The following DEF6 variants were observed in gnomAD, a reference collection of about 807,000 sequenced individuals.
DEF6 encodes differentially expressed in FDCP 6 homolog.
DEF6 carries 32 observed loss-of-function variants against 80.5 expected under a neutral mutation model. The observed-to-expected ratio is 0.40, with a 90% CI of 0.30 to 0.53. DEF6 has a LOEUF of 0.53. DEF6 is among the 20% of genes least tolerant of loss of function. The pLI is 0.57. For missense variants in DEF6, 575 were observed against 818.7 expected, an observed-to-expected ratio of 0.70 and a Z score of 3.63; for synonymous variants, 300 against 337.9, an observed-to-expected ratio of 0.89 and a Z score of 1.23.
chr6:35,316,327 A>G (rs1401308460), intron 5 of DEF6, among the ~76,000 whole-genome samples: 2 of 152,156 alleles, frequency 1.3e-5, no homozygotes, highest in Admixed American at 6.5e-5. Flanking sequence ...TTTTCTAAGT[A>G]GAAGACCATG....
In DEF6 at chr6:35,310,354, C is replaced by A. The variant is rs916377539; in HGVS notation, c.238-105C>A. 1.7e-5 allele frequency: 21 copies of A among 1,251,208 alleles called. No homozygotes were observed. In the African/African-American group the frequency reaches 2.2e-4, roughly 13 times the overall value. The allele number at this position is 1,251,208 out of a possible 1,614,324, so 77.5% of individuals were successfully genotyped here. ...CTTGAGTTAGGGCCCTGGACTTGGC[C>A]AGGTGGGGAGCAGGGGCATAGATGA... On this transcript the variant is annotated intron_variant, in intron 2 of 10. Coordinates refer to ENST00000316637, the MANE Select transcript of DEF6 (RefSeq NM_022047.4).
Position 35,319,919 on chromosome 6 carries a change from C to T in DEF6, c.1483C>T (p.Gln495Ter). 1 of 1,571,074 alleles carries T rather than the reference C, an allele frequency of 6.4e-7. No individual in the cohort carries two copies. The highest frequency in any genetic ancestry group is 2.3e-5 in the East Asian group (1 of 42,944). ...GGCGCAGCAGGAGAAGGAAGAGCTG[C>T]AGCAGGAGATGGCACAGCAGAGCCG... ...ERAQQEKEELQQEMAQQSRSL... is the reference protein window; with the variant it reads ...ERAQQEKEEL The change falls in exon 9 of 11, where the codon CAG becomes TAG. Residue 495 changes from glutamine to a stop codon, truncating the protein, a stop_gained. Coordinates refer to ENST00000316637, the MANE Select transcript of DEF6 (RefSeq NM_022047.4). LOFTEE classifies it high-confidence loss of function. This position sits in a 1 kb window ranked among gnomAD's most constrained non-coding sequence, Gnocchi z 4.5.
intron 9 of DEF6, among the ~76,000 whole-genome samples, chr6:35,320,472 T>C (rs1043665727): frequency 2.6e-5 from 4 of 152,192 alleles, no homozygotes; most frequent in Admixed American, 1.3e-4. Context: ...CCGTGAAATG[T>C]TGAACAGAGG....
Position 35,297,922 on chromosome 6 carries a change from G to A in DEF6, c.66G>A (p.Lys22=). 1 of 1,606,624 alleles carries A rather than the reference G, an allele frequency of 6.2e-7. No individual in the cohort carries two copies. The highest frequency in any genetic ancestry group is 8.5e-7 in the Non-Finnish European group (1 of 1,177,134). Residue 22 remains lysine (K), a synonymous_variant, in exon 1 of 11, where the codon AAG becomes AAA. Transcript: ENST00000316637. ...WYAFTALDVE[K]SGKVSKSQLK... is the part of the protein sequence containing the mutation. The stretch of plus-strand genomic sequence containing the variant: ...CCTTTACCGCGCTGGACGTGGAGAA[G>A]AGTGGCAAAGTCTCCAAGTCCCAGC...
Position 35,319,471 on chromosome 6 carries a change from C to G in DEF6, c.1216-53C>G, listed in dbSNP as rs1791561709. Reference sequence around the variant, plus strand: ...CATGCCCACCCCCTCCTCCTCCGCCCCCACGTGCCCCTTTTGACCTGGCTC... The same window carrying G: ...CATGCCCACCCCCTCCTCCTCCGCCGCCACGTGCCCCTTTTGACCTGGCTC... On this transcript the variant is annotated intron_variant, in intron 7 of 10. Coordinates refer to ENST00000316637, the MANE Select transcript of DEF6 (RefSeq NM_022047.4). This position sits in a 1 kb window ranked among gnomAD's most constrained non-coding sequence, Gnocchi z 4.5. The G allele has an allele frequency of 6.7e-7, 1 of 1,484,744 alleles. No homozygotes were observed. Among genetic ancestry groups the G allele is most frequent in the African/African-American group, 1.4e-5 (1 of 71,328 alleles). 92.0% of individuals were successfully genotyped at this position (1,484,744 alleles called of 1,614,324 possible). A position where few individuals can be genotyped will look rare whatever the true frequency, so the allele number is the denominator to read the frequency against.
At chr6:35,309,190 G>C (rs2150386614) in intron 1 of DEF6, among the ~76,000 whole-genome samples, 1 of 152,354 alleles carries the variant, frequency 6.6e-6, no homozygotes, top group Admixed American at 6.5e-5. Flanking sequence ...CCTGCAAACT[G>C]TCTAGCATTG....
chr6:35,315,121 T>C (rs1290211869), intron 5 of DEF6, among the ~76,000 whole-genome samples: 1 of 152,204 alleles, frequency 6.6e-6, no homozygotes, highest in Non-Finnish European at 1.5e-5. Context: ...TCTGTTCCAT[T>C]GGTCTTTGTG....
rs1313585726 is a variant in DEF6, at chr6:35,319,839, A to G, written c.1403A>G (p.Glu468Gly). The G allele has an allele frequency of 1.3e-6, 2 of 1,593,096 alleles. No individual in the cohort carries two copies. Among genetic ancestry groups the G allele is most frequent in the Admixed American group, 3.6e-5 (2 of 56,026 alleles). ...AQTRLLEEEEEKLKQLMQLKE... is the reference protein window; with the variant it reads ...AQTRLLEEEEGKLKQLMQLKE... ...GGCAGACTGCTGGAAGAGGAGGAAG[A>G]GAAGCTGAAGCAGTTGATGCAGCTG... Residue 468 changes from glutamate (E) to glycine (G), a missense_variant, in exon 9 of 11, where the codon GAG becomes GGG. By Grantham distance (98) the Glu-to-Gly change is moderately conservative. Transcript: ENST00000316637. The surrounding 1 kb of genome is among the most constrained non-coding windows in gnomAD (Gnocchi z 4.5).
chr6:35,310,448 C>T lies in DEF6; in HGVS notation c.238-11C>T. The T allele has an allele frequency of 6.2e-7, 1 of 1,612,458 alleles. No individual in the cohort carries two copies. The highest frequency in any genetic ancestry group is 8.5e-7 in the Non-Finnish European group (1 of 1,179,966). On this transcript the variant is annotated splice_polypyrimidine_tract_variant and intron_variant, in intron 2 of 10. Transcript: ENST00000316637. ...GATATGCAGTCAGCTGATTTGCAGCCCTGGTGGCAGGTGGAGGAGGGGGCT... is the reference window on the plus strand; with the variant it reads ...GATATGCAGTCAGCTGATTTGCAGCTCTGGTGGCAGGTGGAGGAGGGGGCT...
At chr6:35,311,194 G>A (rs1307036310) in intron 3 of DEF6, among the ~76,000 whole-genome samples, 1 of 152,094 alleles carries the variant, frequency 6.6e-6, no homozygotes, top group Non-Finnish European at 1.5e-5. Context: ...TTACTCCTGG[G>A]TGAAGCCAGG....
At chr6:35,310,407 G>A (rs1350404527) in intron 2 of DEF6, 52 bp from the exon 3 acceptor site, 46 of 1,595,820 alleles carry the variant, frequency 2.9e-5, no homozygotes, top group Non-Finnish European at 3.7e-5. Context: ...GGAGCCTAGT[G>A]TCGTGGTAGA....
In DEF6 at chr6:35,321,507, T is replaced by C; in HGVS notation, c.*97T>C. 8.2e-7 allele frequency: 1 copy of C among 1,216,718 alleles called. No homozygotes were observed. Among genetic ancestry groups the C allele is most frequent in the Non-Finnish European group, 1.2e-6 (1 of 868,370 alleles). The allele number at this position is 1,216,718 out of a possible 1,614,324, so 75.4% of individuals were successfully genotyped here. A position where few individuals can be genotyped will look rare whatever the true frequency, so the allele number is the denominator to read the frequency against. On this transcript the variant is annotated 3_prime_UTR_variant, in exon 11 of 11. Transcript: ENST00000316637. ...CCCAGCTCTTACTAGGAGAGGGAGCTGAGGTCCTGGTGCCAGGGGCCCAGG... is the reference window on the plus strand; with the variant it reads ...CCCAGCTCTTACTAGGAGAGGGAGCCGAGGTCCTGGTGCCAGGGGCCCAGG...
Position 35,320,034 on chromosome 6 carries a change from G to C in DEF6, c.1581+17G>C. On this transcript the variant is annotated intron_variant, in intron 9 of 10. Transcript: ENST00000316637. ...GATGTGGAGGTGAGGCCTGGGGTGG[G>C]ATGGGGTGGAGGCTGGCAGGGTGAG... 6.4e-7 allele frequency: 1 copy of C among 1,553,608 alleles called. No individual in the cohort carries two copies.
At chr6:35,311,920 T>C (rs1488132742) in intron 3 of DEF6, among the ~76,000 whole-genome samples, 1 of 152,224 alleles carries the variant, frequency 6.6e-6, no homozygotes, top group African/African-American at 2.4e-5. Flanking sequence ...AGCCAGTCAC[T>C]TCCCCCTTTG....
intron 5 of DEF6, among the ~76,000 whole-genome samples, chr6:35,314,950 G>T (rs553843931): frequency 6.6e-6 from 1 of 152,162 alleles, no homozygotes; most frequent in South Asian, 2.1e-4. Flanking sequence ...TTTTTTATAT[G>T]GTGAGAGATA....
intron 1 of DEF6, among the ~76,000 whole-genome samples, chr6:35,304,981 G>T (rs1361241809): frequency 6.7e-6 from 1 of 148,302 alleles, no homozygotes; most frequent in African/African-American, 2.5e-5. Context: ...CTGCGCTGTG[G>T]TAGCTCATAC....
intron 10 of DEF6, 47 bp from the exon 11 acceptor site, chr6:35,321,140 C>T (rs1791585633): frequency 6.3e-7 from 1 of 1,599,040 alleles, no homozygotes; most frequent in Non-Finnish European, 8.5e-7. Context: ...CCTCGCCTCT[C>T]ACCTTTGCAT....
At chr6:35,311,842 A>G (rs1289950542) in intron 3 of DEF6, among the ~76,000 whole-genome samples, 1 of 152,214 alleles carries the variant, frequency 6.6e-6, no homozygotes, top group Non-Finnish European at 1.5e-5. Context: ...GCTTGGAATA[A>G]GGACCTGAAT....
chr6:35,298,324 C>T (rs909804305), intron 1 of DEF6, among the ~76,000 whole-genome samples: 1 of 152,224 alleles, frequency 6.6e-6, no homozygotes, highest in African/African-American at 2.4e-5. Flanking sequence ...TGTGCTCTTT[C>T]TTGCTGCTTC....
Sources: gnomAD v4.1 joint callset for allele counts (sites outside exome capture counted in the v4.1 genomes callset) on GRCh38, gnomAD v4.1.1 for gene constraint, Gnocchi (gnomAD v3.1) non-coding constraint, MANE v1.5 for transcripts, NCBI Gene and HGNC (gene_info 2026-07-23, HGNC 2026-07-21) for gene names.